Variants in SPOCK3 observed in about 807,000 individuals in gnomAD.
The protein encoded by SPOCK3 is SPARC (osteonectin), cwcv and kazal like domains proteoglycan 3.
A neutral mutation model predicts 56.6 loss-of-function variants in SPOCK3; 30 were observed. That is an observed-to-expected ratio of 0.53 (90% confidence interval 0.40 to 0.72). The LOEUF (loss-of-function observed/expected upper bound fraction) is 0.72. Ranked by LOEUF, SPOCK3 falls within the 30% of genes least tolerant of loss-of-function variation. The pLI, the probability that SPOCK3 is intolerant of heterozygous loss-of-function variation, is 0.00. For missense variants in SPOCK3, 527 were observed against 530.0 expected, an observed-to-expected ratio of 0.99 and a Z score of 0.06; for synonymous variants, 196 against 183.3, an observed-to-expected ratio of 1.07 and a Z score of -0.56.
At chr4:166,856,833 T>C (rs563862882) in intron 6 of SPOCK3, among the ~76,000 whole-genome samples, 5 of 152,092 alleles carry the variant, frequency 3.3e-5, no homozygotes, top group Non-Finnish European at 7.3e-5. Context: ...TCTAGATATC[T>C]CTCTATATAT....
chr4:166,905,246 T>C (rs1214723843), intron 5 of SPOCK3, among the ~76,000 whole-genome samples: 1 of 151,990 alleles, frequency 6.6e-6, no homozygotes, highest in Non-Finnish European at 1.5e-5. Flanking sequence ...TACACTTCTC[T>C]TAAAGAACAT....
rs1462881617 is a variant in SPOCK3 at position 167,205,212 on chromosome 4, A to G, written c.189+28773T>C. On this transcript the variant is annotated intron_variant, in intron 2 of 10. Coordinates refer to ENST00000357545, the MANE Select transcript of SPOCK3 (RefSeq NM_001040159.2). ...ATTTTATATCTATAATATATATTAT[A>G]TATTATATATTTTATATCTATAATA... Among the ~76,000 whole-genome samples the G allele has an allele frequency of 3.2e-4, 32 of 98,726 alleles. No individual in the cohort carries two copies. In the Admixed American group the frequency reaches 4.1e-3, roughly 13 times the overall value. 64.8% of individuals were successfully genotyped at this position (98,726 alleles called of 152,430 possible).
rs188924172 is a variant in SPOCK3 at position 167,152,595 on chromosome 4, T to A, written c.189+81390A>T. ...ATAATCATCTAAGCTTGGACTAAAC[T>A]GAAATTTCAACTTTTTAAATAATCA... On this transcript the variant is annotated intron_variant, in intron 2 of 10. Transcript: ENST00000357545. Among the ~76,000 whole-genome samples, 227 of 152,290 alleles carry A rather than the reference T, an allele frequency of 1.5e-3. 2 individuals are homozygous for A. The South Asian group carries it at 0.015, about 10-fold the overall frequency.
chr4:167,155,140 C>T (rs1165468367), intron 2 of SPOCK3, among the ~76,000 whole-genome samples: 1 of 151,314 alleles, frequency 6.6e-6, no homozygotes, highest in Non-Finnish European at 1.5e-5. Flanking sequence ...TTTTTTAAGG[C>T]GGAGTCTTGC....
At chr4:166,949,595 T>G (rs1252605054) in intron 4 of SPOCK3, among the ~76,000 whole-genome samples, 10 of 152,160 alleles carry the variant, frequency 6.6e-5, no homozygotes, top group Non-Finnish European at 1.2e-4. Context: ...TGGAGTTTCC[T>G]AGAGGTCCAC....
chr4:167,156,004 A>G (rs1253527573), intron 2 of SPOCK3, among the ~76,000 whole-genome samples: 2 of 152,194 alleles, frequency 1.3e-5, no homozygotes, highest in African/African-American at 4.8e-5. Context: ...AAAATTTAAA[A>G]AGTAAAAAAA....
chr4:167,205,557 AAT>A (rs1561322873), intron 2 of SPOCK3, among the ~76,000 whole-genome samples: 1 of 62,078 alleles, frequency 1.6e-5, no homozygotes, highest in East Asian at 5.6e-4. Flanking sequence ...TATAATATAT[AAT>A]ATATATTATA....
At chr4:166,973,908 T>TA (rs1241237210) in intron 4 of SPOCK3, among the ~76,000 whole-genome samples, 4 of 152,274 alleles carry the variant, frequency 2.6e-5, no homozygotes, top group East Asian at 1.9e-4. Flanking sequence ...TACACATTTT[T>TA]AAAAAAATCT....
intron 3 of SPOCK3, among the ~76,000 whole-genome samples, chr4:167,051,179 A>G (rs1268338170): frequency 6.6e-6 from 1 of 152,212 alleles, no homozygotes; most frequent in East Asian, 1.9e-4. Flanking sequence ...ATTAAATCAA[A>G]ACATTCAGGG....
chr4:167,205,010 T>C (rs1279742670), intron 2 of SPOCK3, among the ~76,000 whole-genome samples: 2 of 147,080 alleles, frequency 1.4e-5, no homozygotes, highest in Middle Eastern at 3.5e-3. Context: ...GCTATTTTTT[T>C]TTTTGGTAGA....
chr4:166,912,418 T>C (rs1300079111), intron 5 of SPOCK3, among the ~76,000 whole-genome samples: 6 of 152,108 alleles, frequency 3.9e-5, no homozygotes, highest in African/African-American at 1.4e-4. Flanking sequence ...GGTTCATAGC[T>C]TTAGTATTTC....
chr4:166,905,411 T>C (rs1225559113), intron 5 of SPOCK3, among the ~76,000 whole-genome samples: 2 of 151,992 alleles, frequency 1.3e-5, no homozygotes, highest in Admixed American at 6.6e-5. Flanking sequence ...GTGTTAGTCC[T>C]TTTTTAGTAT....
intron 2 of SPOCK3, among the ~76,000 whole-genome samples, chr4:167,163,120 T>A (rs1765459866): frequency 6.6e-6 from 1 of 151,038 alleles, no homozygotes; most frequent in African/African-American, 2.4e-5. Flanking sequence ...TACAATTTTG[T>A]ACTACTTGAA....
intron 4 of SPOCK3, among the ~76,000 whole-genome samples, chr4:166,974,463 CATT>C (rs1300543828): frequency 6.6e-6 from 1 of 152,090 alleles, no homozygotes; most frequent in Non-Finnish European, 1.5e-5. Context: ...TTTTGCTAAT[CATT>C]ATAATGTTTA....
intron 2 of SPOCK3, among the ~76,000 whole-genome samples, chr4:167,149,255 A>G (rs993955249): frequency 4.5e-4 from 68 of 152,290 alleles, no homozygotes; most frequent in African/African-American, 1.6e-3. Context: ...TTTCCTATGT[A>G]CTGAGAAAAC....
rs1579260378 is a variant in SPOCK3 at position 166,798,753 on chromosome 4, T to C, written c.590-6464A>G. On this transcript the variant is annotated intron_variant, in intron 6 of 10. Coordinates refer to ENST00000357545, the MANE Select transcript of SPOCK3 (RefSeq NM_001040159.2). ...ACAATGTGGAATTTACTGCTAGCTCTGGGTGGTTTAAACAATTCATGAATA... is the reference window on the plus strand; with the variant it reads ...ACAATGTGGAATTTACTGCTAGCTCCGGGTGGTTTAAACAATTCATGAATA... 2.0e-5 allele frequency among the ~76,000 whole-genome samples: 3 copies of C among 152,308 alleles called. No homozygotes were observed. In the South Asian group the frequency reaches 6.2e-4, roughly 32 times the overall value.
At chr4:166,966,149 T>C (rs1019268322) in intron 4 of SPOCK3, among the ~76,000 whole-genome samples, 2 of 152,048 alleles carry the variant, frequency 1.3e-5, no homozygotes, top group Non-Finnish European at 2.9e-5. Flanking sequence ...TTCCTCCATG[T>C]CTCTTCATAG....
intron 2 of SPOCK3, among the ~76,000 whole-genome samples, chr4:167,064,138 CAGA>C (rs1398221012): frequency 6.6e-6 from 1 of 151,606 alleles, no homozygotes; most frequent in Non-Finnish European, 1.5e-5. Context: ...AATTAAGTTT[CAGA>C]AGTTTTTTTA....
At chr4:167,012,331 A>C (rs1466720169) in intron 3 of SPOCK3, among the ~76,000 whole-genome samples, 2 of 151,966 alleles carry the variant, frequency 1.3e-5, no homozygotes, top group African/African-American at 4.8e-5. Flanking sequence ...ATATGTAAAA[A>C]TTCAGTTTTC....
Sources: gnomAD v4.1 joint callset for allele counts (sites outside exome capture counted in the v4.1 genomes callset) on GRCh38, gnomAD v4.1.1 for gene constraint, MANE v1.5 for transcripts, NCBI Gene and HGNC (gene_info 2026-07-23, HGNC 2026-07-21) for gene names.